The following AGO2 variants were observed in gnomAD, a reference collection of about 807,000 sequenced individuals.
AGO2 encodes the protein protein argonaute-2.
In AGO2, 5 loss-of-function variants were observed where a neutral mutation model predicts 102.3. That is an observed-to-expected ratio of 0.05 (90% CI 0.03 to 0.10). The LOEUF is 0.10. Among genes scored for constraint, AGO2 ranks in the 10% least tolerant of loss-of-function variants. The probability of loss-of-function intolerance (pLI) is 1.00; values close to 1 mark genes in which losing one functional copy is unlikely to be tolerated. For missense variants in AGO2, 541 were observed against 1,183.7 expected (o/e 0.46, Z 7.97); for synonymous variants, 449 against 473.1 (o/e 0.95, Z 0.66).
In AGO2 at chr8:140,559,979, C is replaced by T. The variant is rs1221488383; in HGVS notation, c.655+395G>A. ...GAGAAGACAGATCCTTTTCGCTGGC[C>T]TTCACTCTCGTCTTTTTCACAGAGA... On this transcript the variant is annotated intron_variant, in intron 5 of 18. Coordinates refer to ENST00000220592, the MANE Select transcript of AGO2 (RefSeq NM_012154.5). Among the ~76,000 whole-genome samples the T allele has an allele frequency of 2.0e-5, 3 of 149,932 alleles. No homozygotes were observed. In the East Asian group the frequency reaches 5.8e-4, roughly 29 times the overall value.
At chr8:140,573,744 C>T (rs2073421964) in intron 2 of AGO2, among the ~76,000 whole-genome samples, 3 of 152,348 alleles carry the variant, frequency 2.0e-5, no homozygotes. Flanking sequence ...GAGGTAGGGT[C>T]AGGCGCCCAT....
At chr8:140,554,044 G>A (rs768420415) in intron 10 of AGO2, among the ~76,000 whole-genome samples, 9 of 152,188 alleles carry the variant, frequency 5.9e-5, no homozygotes, top group South Asian at 2.1e-4. Flanking sequence ...TTTTTGCAAC[G>A]TTGGCTTACA....
chr8:140,530,554 T>C lies in AGO2; in HGVS notation c.*1490A>G, dbSNP rs1232565671. On this transcript the variant is annotated 3_prime_UTR_variant, in exon 19 of 19. Coordinates refer to ENST00000220592, the MANE Select transcript of AGO2 (RefSeq NM_012154.5). The stretch of plus-strand genomic sequence containing the variant: ...CACTCAGCACAAACAGAGTTGTCTG[T>C]TGTTAGCCTTCAAAATCGTCCGTGG... The C allele has an allele frequency of 6.6e-6, 1 of 152,282 alleles. No homozygotes were observed. Among genetic ancestry groups the C allele is most frequent in the African/African-American group, 2.4e-5 (1 of 41,474 alleles). 9.4% of individuals were successfully genotyped at this position (152,282 alleles called of 1,614,324 possible).
intron 6 of AGO2, 127 bp downstream of exon 6, chr8:140,559,268 G>A (rs2073156165): frequency 4.2e-6 from 5 of 1,197,136 alleles, no homozygotes; most frequent in Non-Finnish European, 5.9e-6. Flanking sequence ...CTCATCTGAT[G>A]GCTACATTCT....
rs764318062 is a variant in AGO2 at position 140,558,613 on chromosome 8, C to T, written c.791-41G>A. ...ACAGGCATCGGCATCGGGGCTGTCC[C>T]GACCTGAGTGCAGGCGCCACTTGCG... On this transcript the variant is annotated intron_variant, in intron 6 of 18. Transcript: ENST00000220592. The T allele has an allele frequency of 4.9e-5, 78 of 1,599,908 alleles. No homozygotes were observed. The South Asian group carries it at 5.3e-4, about 11-fold the overall frequency.
intron 3 of AGO2, among the ~76,000 whole-genome samples, chr8:140,564,942 C>T (rs556025407): frequency 4.7e-4 from 69 of 148,378 alleles, no homozygotes; most frequent in Non-Finnish European, 8.1e-4. Flanking sequence ...GAGACCACCC[C>T]GGCCCATAGT....
Position 140,522,641 on chromosome 8 carries a change from A to G in AGO2, c.*9403T>C, listed in dbSNP as rs945870750. On this transcript the variant is annotated 3_prime_UTR_variant, in exon 19 of 19. Coordinates refer to ENST00000220592, the MANE Select transcript of AGO2 (RefSeq NM_012154.5). ...AATGCACAATGGTCCATTTTCATCA[A>G]GCTATGGCCATAGCCAAGCTAGACA... 1 of 143,280 alleles carries G rather than the reference A, an allele frequency of 7.0e-6. No homozygotes were observed. The highest frequency in any genetic ancestry group is 2.6e-5 in the African/African-American group (1 of 39,140). 8.9% of individuals were successfully genotyped at this position (143,280 alleles called of 1,614,324 possible).
intron 5 of AGO2, 149 bp downstream of exon 5, chr8:140,560,225 G>A (rs1170741299): frequency 8.1e-7 from 1 of 1,229,768 alleles, no homozygotes; most frequent in Non-Finnish European, 1.1e-6. Flanking sequence ...CAACACTGCA[G>A]GTGAGACCAG....
At chr8:140,600,680 C>CAAAA (rs34175261) in intron 1 of AGO2, among the ~76,000 whole-genome samples, 1 of 129,144 alleles carries the variant, frequency 7.7e-6, no homozygotes, top group African/African-American at 2.8e-5. Context: ...AACTCCGTGT[C>CAAAA]AAAAAAAAAA....
At chr8:140,543,283 A>G (rs1224135392) in intron 14 of AGO2, among the ~76,000 whole-genome samples, 1 of 152,190 alleles carries the variant, frequency 6.6e-6, no homozygotes, top group East Asian at 1.9e-4. Flanking sequence ...GCCAAGTGGC[A>G]AGAATTAGTT....
rs548696116 is a variant in AGO2 at position 140,522,427 on chromosome 8, G to A, written c.*9617C>T. ...AAATCATATGCAGAAGCGATGACAG[G>A]TGGTACTACCTGAAGAAAGCTTAGA... On this transcript the variant is annotated 3_prime_UTR_variant, in exon 19 of 19. Coordinates refer to ENST00000220592, the MANE Select transcript of AGO2 (RefSeq NM_012154.5). 112 of 151,634 alleles carry A rather than the reference G, an allele frequency of 7.4e-4. No homozygotes were observed. Among genetic ancestry groups the A allele is most frequent in the African/African-American group, 2.6e-3 (109 of 41,332 alleles). 9.4% of individuals were successfully genotyped at this position (151,634 alleles called of 1,614,324 possible).
rs971972601 is a variant in AGO2 at position 140,539,501 on chromosome 8, T to C, written c.2035-47A>G. The C allele has an allele frequency of 1.1e-5, 18 of 1,576,272 alleles. No individual in the cohort carries two copies. The highest frequency in any genetic ancestry group is 1.8e-5 in the Admixed American group (1 of 55,862). On this transcript the variant is annotated intron_variant, in intron 15 of 18. Coordinates refer to ENST00000220592, the MANE Select transcript of AGO2 (RefSeq NM_012154.5). The surrounding 1 kb of genome is among the most constrained non-coding windows in gnomAD (Gnocchi z 4.7). ...GGTTGTGCTTAAAGATGGTAGTGCA[T>C]GTGAGCAACGGTCCCACGTGCGGGT...
intron 1 of AGO2, among the ~76,000 whole-genome samples, chr8:140,612,936 G>A (rs1025633970): frequency 4.6e-5 from 7 of 151,192 alleles, no homozygotes; most frequent in African/African-American, 1.5e-4. Flanking sequence ...ATGGTGGCTC[G>A]CGTCTTTAAT....
chr8:140,605,467 C>T (rs1049419784), intron 1 of AGO2, among the ~76,000 whole-genome samples: 2 of 152,188 alleles, frequency 1.3e-5, no homozygotes, highest in Non-Finnish European at 2.9e-5. Flanking sequence ...AATGGGATAA[C>T]CCAGCCTGGG....
chr8:140,615,448 G>T (rs957049194), intron 1 of AGO2, among the ~76,000 whole-genome samples: 5 of 152,210 alleles, frequency 3.3e-5, no homozygotes, highest in Non-Finnish European at 5.9e-5. Context: ...AGTGGCCCCG[G>T]CCCAGGCAGT....
intron 4 of AGO2, among the ~76,000 whole-genome samples, chr8:140,561,143 G>C (rs1181847877): frequency 1.3e-5 from 2 of 152,238 alleles, no homozygotes; most frequent in African/African-American, 4.8e-5. Flanking sequence ...GACCCGGCTG[G>C]AGCTACTCGA....
chr8:140,586,363 C>A (rs568290107), intron 1 of AGO2, among the ~76,000 whole-genome samples: 7 of 152,170 alleles, frequency 4.6e-5, no homozygotes, highest in African/African-American at 1.7e-4. Flanking sequence ...TGTGGTGGCA[C>A]GTGCCTGTAG....
intron 2 of AGO2, among the ~76,000 whole-genome samples, chr8:140,575,393 C>A (rs546289168): frequency 6.6e-6 from 1 of 152,314 alleles, no homozygotes; most frequent in South Asian, 2.1e-4. Context: ...GGATGCCCTG[C>A]AGCTCTCGCA....
chr8:140,631,559 A>T (rs1484325142), intron 1 of AGO2, among the ~76,000 whole-genome samples: 2 of 152,108 alleles, frequency 1.3e-5, no homozygotes, highest in African/African-American at 4.8e-5. Context: ...AAGAAAAAAA[A>T]GAAGACGTAA....
Sources: allele counts gnomAD v4.1 joint callset (sites outside exome capture counted in the v4.1 genomes callset), GRCh38; gene constraint gnomAD v4.1.1; non-coding constraint Gnocchi (gnomAD v3.1); transcripts MANE v1.5; gene names NCBI Gene and HGNC (gene_info 2026-07-23, HGNC 2026-07-21).